Variants in NLGN1 observed in about 807,000 individuals in gnomAD.
NLGN1 encodes neuroligin 1, also known as neuroligin-1.
Under a neutral mutation model 65.5 loss-of-function variants are expected in NLGN1, and 12 were observed. That is an observed-to-expected ratio of 0.18 (90% CI 0.12 to 0.30). NLGN1 has a LOEUF of 0.30. Ranked by LOEUF, NLGN1 falls within the 10% of genes least tolerant of loss-of-function variation. The pLI is 1.00. For synonymous variants in NLGN1, 350 were observed against 359.5 expected (o/e 0.97, Z 0.30); for missense variants, 750 against 1,007.1 (o/e 0.74, Z 3.46).
intron 2 of NLGN1, among the ~76,000 whole-genome samples, chr3:173,475,601 G>A (rs1726060719): frequency 6.6e-6 from 1 of 152,066 alleles, no homozygotes; most frequent in Non-Finnish European, 1.5e-5. Flanking sequence ...ACTTCATCTT[G>A]TCTGCCAGTG....
At chr3:173,779,424 G>A (rs530394738) in intron 3 of NLGN1, among the ~76,000 whole-genome samples, 22 of 152,024 alleles carry the variant, frequency 1.4e-4, no homozygotes, top group East Asian at 1.2e-3. Context: ...TAGAAAATAT[G>A]GAGATTAAGT....
intron 2 of NLGN1, among the ~76,000 whole-genome samples, chr3:173,550,970 C>T (rs994184071): frequency 6.6e-6 from 1 of 152,164 alleles, no homozygotes. Flanking sequence ...ATACACATGA[C>T]AGCTTGTCTC....
intron 4 of NLGN1, among the ~76,000 whole-genome samples, chr3:173,947,930 A>G (rs987918495): frequency 2.0e-5 from 3 of 152,194 alleles, no homozygotes; most frequent in African/African-American, 4.8e-5. Context: ...ATCTCACTCA[A>G]TGGTAGTACC....
Position 173,975,179 on chromosome 3 carries a change from T to C in NLGN1, c.646+167347T>C, listed in dbSNP as rs144321844. Among the ~76,000 whole-genome samples, 3 of 152,170 alleles carry C rather than the reference T, an allele frequency of 2.0e-5. No individual in the cohort carries two copies. The East Asian group carries it at 5.8e-4, about 29-fold the overall frequency. ...TTTAGGTAAAGTAATTGTCTCTTCT[T>C]GGATGCCTTGGGCTAAGTACAATCT... On this transcript the variant is annotated intron_variant, in intron 4 of 6. Coordinates refer to ENST00000457714, the Ensembl canonical transcript of NLGN1.
At chr3:173,572,521 G>A (rs1744815329) in intron 2 of NLGN1, among the ~76,000 whole-genome samples, 4 of 152,296 alleles carry the variant, frequency 2.6e-5, no homozygotes, top group South Asian at 4.1e-4. Context: ...TGCAATTTCT[G>A]GATGAAGAAT....
chr3:173,575,265 A>T (rs1745329455), intron 2 of NLGN1, among the ~76,000 whole-genome samples: 1 of 152,238 alleles, frequency 6.6e-6, no homozygotes, highest in Non-Finnish European at 1.5e-5. Flanking sequence ...TATGAGCATC[A>T]GTTTTAGAAT....
chr3:173,730,670 T>C (rs1194133729), intron 3 of NLGN1, among the ~76,000 whole-genome samples: 1 of 152,022 alleles, frequency 6.6e-6, no homozygotes, highest in African/African-American at 2.4e-5. Context: ...GAAATGAGAG[T>C]ATTAAGTAAT....
At chr3:173,459,425 ACTTTCTTTTAACTAATGCATAAACT>A (rs1723007567) in intron 2 of NLGN1, among the ~76,000 whole-genome samples, 1 of 152,076 alleles carries the variant, frequency 6.6e-6, no homozygotes, top group African/African-American at 2.4e-5. Context: ...ATGACTGATA[ACTTTCTTTTAACTAATGCATAAACT>A]CAGTGACATT....
intron 1 of NLGN1, among the ~76,000 whole-genome samples, chr3:173,415,541 A>G (rs1713516204): frequency 6.7e-6 from 1 of 148,944 alleles, no homozygotes; most frequent in African/African-American, 2.5e-5. Context: ...CCGTATGCTA[A>G]TGATTGCTGA....
At chr3:174,069,052 T>A (rs748293766) in intron 4 of NLGN1, among the ~76,000 whole-genome samples, 9 of 151,802 alleles carry the variant, frequency 5.9e-5, no homozygotes, top group Admixed American at 6.6e-5. Context: ...GATAACAGAG[T>A]TTCAAAGGCA....
chr3:173,414,997 TG>T (rs1237777887), intron 1 of NLGN1, among the ~76,000 whole-genome samples: 1 of 152,214 alleles, frequency 6.6e-6, no homozygotes. Context: ...AAGATGCAGA[TG>T]GAGACAAGAG....
At chr3:174,215,773 T>C (rs1264212345) in intron 4 of NLGN1, among the ~76,000 whole-genome samples, 1 of 152,138 alleles carries the variant, frequency 6.6e-6, no homozygotes, top group African/African-American at 2.4e-5. Flanking sequence ...AGAAGGGCAG[T>C]GTGTTGCCAA....
intron 4 of NLGN1, among the ~76,000 whole-genome samples, chr3:173,940,751 G>A (rs1745941304): frequency 6.6e-6 from 1 of 152,066 alleles, no homozygotes; most frequent in Non-Finnish European, 1.5e-5. Context: ...TTCTCCCCCA[G>A]TGATATTTGA....
intron 4 of NLGN1, among the ~76,000 whole-genome samples, chr3:173,991,019 T>C (rs113859629): frequency 0.016 from 2,493 of 152,150 alleles, 46 homozygotes; most frequent in African/African-American, 0.052. Flanking sequence ...TCCCACAGAG[T>C]TGTACCTTTA....
At chr3:173,671,940 C>T (rs183268777) in intron 3 of NLGN1, among the ~76,000 whole-genome samples, 82 of 151,222 alleles carry the variant, frequency 5.4e-4, no homozygotes, top group African/African-American at 1.8e-3. Flanking sequence ...TTTGGGAGGC[C>T]GAGGTGGGTG....
At chr3:173,892,874 A>G (rs1180908116) in intron 4 of NLGN1, among the ~76,000 whole-genome samples, 1 of 152,220 alleles carries the variant, frequency 6.6e-6, no homozygotes. Context: ...GTTGTCCCTG[A>G]CAGCCATTGT....
intron 3 of NLGN1, among the ~76,000 whole-genome samples, chr3:173,715,531 A>C (rs1456398068): frequency 2.6e-5 from 4 of 152,172 alleles, no homozygotes; most frequent in African/African-American, 9.6e-5. Context: ...AGGTAGCGAA[A>C]AGGGACTAGT....
At chr3:173,945,096 T>A (rs1358173387) in intron 4 of NLGN1, among the ~76,000 whole-genome samples, 1 of 152,004 alleles carries the variant, frequency 6.6e-6, no homozygotes, top group East Asian at 2.0e-4. Flanking sequence ...TTGACCTGAT[T>A]TGAAAGTCAA....
intron 4 of NLGN1, among the ~76,000 whole-genome samples, chr3:173,892,793 A>G (rs529339259): frequency 6.6e-6 from 1 of 152,270 alleles, no homozygotes; most frequent in East Asian, 1.9e-4. Context: ...AGACGAGAAG[A>G]GGAAGTGAGG....
Sources: allele counts gnomAD v4.1 joint callset (sites outside exome capture counted in the v4.1 genomes callset), GRCh38; gene constraint gnomAD v4.1.1; transcripts MANE v1.5; gene names NCBI Gene and HGNC (gene_info 2026-07-23, HGNC 2026-07-21).